Variants in USP47 observed in about 807,000 individuals in gnomAD.
The protein encoded by USP47 is ubiquitin specific peptidase 47.
Under a neutral mutation model 165.1 loss-of-function variants are expected in USP47, and 35 were observed. That is an observed-to-expected ratio of 0.21 (90% CI 0.16 to 0.28). USP47 has a LOEUF of 0.28. Among genes scored for constraint, USP47 ranks in the 10% least tolerant of loss-of-function variants. The probability of loss-of-function intolerance (pLI) is 1.00; values close to 1 mark genes in which losing one functional copy is unlikely to be tolerated. For missense variants in USP47, 1,277 were observed against 1,607.4 expected (o/e 0.79, Z 3.52); for synonymous variants, 531 against 544.5 (o/e 0.98, Z 0.35).
intron 1 of USP47, among the ~76,000 whole-genome samples, chr11:11,878,248 C>A (rs913843198): frequency 6.6e-6 from 1 of 152,110 alleles, no homozygotes; most frequent in African/African-American, 2.4e-5. Flanking sequence ...TATTACAGCA[C>A]TTTTGATTTC....
rs974678870 is a variant in USP47, at chr11:11,905,443, C to T, written c.864C>T (p.Tyr288=). ...TATATCAAGGCAAGCTGAAGGACTACGTGAGATGTCTGGAATGTGGTTATG... is the reference window on the plus strand; with the variant it reads ...TATATCAAGGCAAGCTGAAGGACTATGTGAGATGTCTGGAATGTGGTTATG... ...NELYQGKLKD[Y]VRCLECGYEG... is the part of the protein sequence containing the mutation. The change falls in exon 8 of 28, where the codon TAC becomes TAT. Residue 288 remains tyrosine (Y), a synonymous_variant. Coordinates refer to ENST00000527733, the MANE Select transcript of USP47 (RefSeq NM_001282659.2). 2 of 1,606,828 alleles carry T rather than the reference C, an allele frequency of 1.2e-6. No homozygotes were observed. The highest frequency in any genetic ancestry group is 1.3e-5 in the African/African-American group (1 of 74,686).
At chr11:11,860,832 A>T (rs555749239) in intron 1 of USP47, among the ~76,000 whole-genome samples, 3 of 152,224 alleles carry the variant, frequency 2.0e-5, no homozygotes, top group Non-Finnish European at 4.4e-5. Context: ...CCCATTGCCA[A>T]TACTAGAACA....
At position 11,960,971 on chromosome 11, in the gene USP47, G is replaced by A. The variant is rs1847427656; in HGVS notation, c.*4796G>A. 6.6e-6 allele frequency among the ~76,000 whole-genome samples: 1 copy of A among 152,048 alleles called. No individual in the cohort carries two copies. Among genetic ancestry groups the A allele is most frequent in the South Asian group, 2.1e-4 (1 of 4,820 alleles). On this transcript the variant is annotated 3_prime_UTR_variant, in exon 28 of 28. Coordinates refer to ENST00000527733, the MANE Select transcript of USP47 (RefSeq NM_001282659.2). ...AGAACCAGTTGGGCTTTGTTCTCCT[G>A]CAGGCTATGGTTCATCATGCAAATA...
At chr11:11,936,224 C>A in intron 16 of USP47, 79 bp from the exon 17 acceptor site, 1 of 737,380 alleles carries the variant, frequency 1.4e-6, no homozygotes, top group Middle Eastern at 5.2e-4. Context: ...CAGACTAAAA[C>A]ACTGTGTATT....
intron 3 of USP47, 52 bp downstream of exon 3, chr11:11,884,632 C>T: frequency 8.2e-7 from 1 of 1,218,214 alleles, no homozygotes; most frequent in Non-Finnish European, 1.2e-6. Context: ...CTGTCACCTA[C>T]TACTTGAGGA....
At chr11:11,931,213 G>T (rs1854643185) in intron 14 of USP47, among the ~76,000 whole-genome samples, 2 of 151,904 alleles carry the variant, frequency 1.3e-5, no homozygotes, top group Admixed American at 6.6e-5. Context: ...TTTGATTTCA[G>T]TATATTTCCT....
At chr11:11,933,976 A>T in intron 16 of USP47, 41 bp downstream of exon 16, 5 of 1,396,074 alleles carry the variant, frequency 3.6e-6, no homozygotes, top group Non-Finnish European at 4.0e-6. Context: ...TACTAATACA[A>T]CAGTATTAAC....
intron 14 of USP47, 141 bp from the exon 15 acceptor site, chr11:11,932,863 A>C (rs1854775981): frequency 3.2e-6 from 2 of 617,732 alleles, no homozygotes; most frequent in Non-Finnish European, 5.6e-6. Flanking sequence ...TTGTATTCCA[A>C]GTTGAGAGAA....
rs191636922 is a variant in USP47 at position 11,862,776 on chromosome 11, C to T, written c.40-17401C>T. On this transcript the variant is annotated intron_variant, in intron 1 of 27. Transcript: ENST00000527733. The stretch of plus-strand genomic sequence containing the variant: ...CTCGCCATGTTGCCCAGGCTGGTCT[C>T]GAACTCCTGGGCTCAAGTGATCCTC... Among the ~76,000 whole-genome samples the T allele has an allele frequency of 2.2e-4, 33 of 151,966 alleles. 1 individual carries two copies. In the East Asian group the frequency reaches 5.2e-3, roughly 24 times the overall value.
In USP47 at chr11:11,957,544, T is replaced by C. The variant is rs1171083728; in HGVS notation, c.*1369T>C. On this transcript the variant is annotated 3_prime_UTR_variant, in exon 28 of 28. Coordinates refer to ENST00000527733, the MANE Select transcript of USP47 (RefSeq NM_001282659.2). ...TGTGTTATTTTAGTCATTAAACTTC[T>C]GTGGATGAAGAATCTGGGTTAAGAA... 1 of 152,668 alleles carries C rather than the reference T, an allele frequency of 6.6e-6. No individual in the cohort carries two copies. The highest frequency in any genetic ancestry group is 1.5e-5 in the Non-Finnish European group (1 of 68,042). The allele number at this position is 152,668 out of a possible 1,614,324, so 9.5% of individuals were successfully genotyped here.
chr11:11,927,412 A>T (rs916666751), intron 11 of USP47, among the ~76,000 whole-genome samples: 1 of 152,122 alleles, frequency 6.6e-6, no homozygotes, highest in Admixed American at 6.6e-5. Flanking sequence ...ATCAGAACAC[A>T]TTCACTCTGG....
chr11:11,862,467 G>C (rs1463657391), intron 1 of USP47, among the ~76,000 whole-genome samples: 1 of 151,948 alleles, frequency 6.6e-6, no homozygotes, highest in Non-Finnish European at 1.5e-5. Flanking sequence ...ATTTTCTGAA[G>C]TATTAGTGTA....
At chr11:11,916,822 G>A (rs1416045651) in intron 8 of USP47, among the ~76,000 whole-genome samples, 2 of 152,088 alleles carry the variant, frequency 1.3e-5, no homozygotes, top group Admixed American at 6.6e-5. Context: ...GACCTGGAAT[G>A]ATAAACTCTG....
chr11:11,956,258 G>A lies in USP47; in HGVS notation c.*83G>A, dbSNP rs538432469. The A allele has an allele frequency of 3.6e-5, 55 of 1,510,722 alleles. No individual in the cohort carries two copies. The highest frequency in any genetic ancestry group is 4.6e-5 in the Non-Finnish European group (51 of 1,102,856). The allele number at this position is 1,510,722 out of a possible 1,614,324, so 93.6% of individuals were successfully genotyped here. ...ACCACTGGGTAGTGCCATTTTGGCC[G>A]GACATGGTTGGGGTAACCCAGTGAC... is the stretch of plus-strand genomic sequence containing the variant. On this transcript the variant is annotated 3_prime_UTR_variant, in exon 28 of 28. Transcript: ENST00000527733.
intron 1 of USP47, among the ~76,000 whole-genome samples, chr11:11,873,214 A>AT (rs1295971205): frequency 6.6e-6 from 1 of 152,186 alleles, no homozygotes; most frequent in Admixed American, 6.5e-5. Flanking sequence ...AGAAGGGAGA[A>AT]TAAGACAAAA....
At chr11:11,848,681 C>T (rs1848561298) in intron 1 of USP47, among the ~76,000 whole-genome samples, 1 of 149,436 alleles carries the variant, frequency 6.7e-6, no homozygotes, top group South Asian at 2.1e-4. Flanking sequence ...GCGATATCAC[C>T]TCATTGCAAC....
At chr11:11,892,238 G>T (rs1265326505) in intron 4 of USP47, 132 bp downstream of exon 4, 4 of 915,476 alleles carry the variant, frequency 4.4e-6, no homozygotes, top group East Asian at 5.5e-5. Flanking sequence ...GCTAGCAGCC[G>T]CAAAGTTAGA....
chr11:11,922,167 T>TA (rs56703277), intron 10 of USP47, among the ~76,000 whole-genome samples: 70,496 of 151,650 alleles, frequency 0.46, 17,043 homozygotes, highest in Admixed American at 0.63. Context: ...GAATGTGGTT[T>TA]AAAACCATAA....
At chr11:11,927,946 C>A (rs1296344742) in intron 11 of USP47, among the ~76,000 whole-genome samples, 4 of 151,958 alleles carry the variant, frequency 2.6e-5, no homozygotes, top group Non-Finnish European at 5.9e-5. Flanking sequence ...ATTATCTTTG[C>A]TTTAAAATAG....
Sources: allele counts gnomAD v4.1 joint callset (sites outside exome capture counted in the v4.1 genomes callset), GRCh38; gene constraint gnomAD v4.1.1; transcripts MANE v1.5; gene names NCBI Gene and HGNC (gene_info 2026-07-23, HGNC 2026-07-21).